Variants in DOCK8 observed in about 807,000 individuals in gnomAD.
The protein encoded by DOCK8 is dedicator of cytokinesis protein 8.
Under a neutral mutation model 245.6 loss-of-function variants are expected in DOCK8, and 141 were observed. That is an observed-to-expected ratio of 0.57 (90% CI 0.50 to 0.66). The LOEUF (loss-of-function observed/expected upper bound fraction) is 0.66, where lower values mean the gene tolerates loss of function less well. Among genes scored for constraint, DOCK8 ranks in the 30% least tolerant of loss-of-function variants. The probability of loss-of-function intolerance (pLI) is 0.00; values close to 1 mark genes in which losing one functional copy is unlikely to be tolerated. For synonymous variants in DOCK8, 1,168 were observed against 970.2 expected (o/e 1.20, Z -3.79); for missense variants, 2,965 against 2,603.4 (o/e 1.14, Z -3.02).
At chr9:348,693 T>C (rs1055424186) in intron 14 of DOCK8, among the ~76,000 whole-genome samples, 13 of 152,252 alleles carry the variant, frequency 8.5e-5, no homozygotes, top group African/African-American at 3.1e-4. Flanking sequence ...AAGCCTTTTG[T>C]CTTTGATTTC....
In DOCK8 at chr9:420,537, G is replaced by A. The variant is rs2056233824; in HGVS notation, c.3977G>A (p.Arg1326Lys). The A allele has an allele frequency of 1.2e-6, 2 of 1,614,150 alleles. No homozygotes were observed. The highest frequency in any genetic ancestry group is 1.7e-6 in the Non-Finnish European group (2 of 1,180,032). Residue 1326 changes from arginine to lysine, a missense_variant, in exon 31 of 48, where the codon AGG becomes AAG. This residue lies in a region of DOCK8 where 2,825 missense variants were observed against 2,453.5 expected (regional missense o/e 1.15). Coordinates refer to ENST00000432829, the MANE Select transcript of DOCK8 (RefSeq NM_203447.4). ...GACCTGCCATCAACGCAGCTCAACA[G>A]GATTTTAGATCTACTTTTCATCTGT... is the stretch of plus-strand genomic sequence containing the variant. ...IADLPSTQLN[R>K]ILDLLFICVL...
chr9:356,778 C>T lies in DOCK8; in HGVS notation c.1680-11240C>T, dbSNP rs145541643. The stretch of plus-strand genomic sequence containing the variant: ...GTGAGAGTGAATTATATATAAACCT[C>T]TTAATATATTAAATCTACCAAGCAG... On this transcript the variant is annotated intron_variant, in intron 14 of 47. Coordinates refer to ENST00000432829, the MANE Select transcript of DOCK8 (RefSeq NM_203447.4). Among the ~76,000 whole-genome samples the T allele has an allele frequency of 4.6e-3, 704 of 152,160 alleles. 6 individuals are homozygous for T. The highest frequency in any genetic ancestry group is 0.016 in the African/African-American group (657 of 41,508).
chr9:386,275 T>C (rs111252266), intron 22 of DOCK8, 56 bp from the exon 23 acceptor site: 59 of 1,482,530 alleles, frequency 4.0e-5, no homozygotes, highest in Admixed American at 8.4e-5. Flanking sequence ...TTTCCAGATG[T>C]CTGGCTTACC....
At chr9:233,880 G>T (rs1000866542) in intron 1 of DOCK8, among the ~76,000 whole-genome samples, 21 of 152,106 alleles carry the variant, frequency 1.4e-4, no homozygotes, top group African/African-American at 5.1e-4. Flanking sequence ...TTTAATTGGA[G>T]CATTTAGCCC....
At chr9:353,196 G>C (rs542940795) in intron 14 of DOCK8, among the ~76,000 whole-genome samples, 1 of 152,254 alleles carries the variant, frequency 6.6e-6, no homozygotes, top group South Asian at 2.1e-4. Flanking sequence ...TGAGATCTTT[G>C]AAAGTTCTCC....
chr9:414,472 C>CACAGTCA, intron 28 of DOCK8, among the ~76,000 whole-genome samples: 1 of 152,252 alleles, frequency 6.6e-6, no homozygotes, highest in East Asian at 1.9e-4. Flanking sequence ...GCTTGGTTTT[C>CACAGTCA]CAGGGTTAGA....
intron 9 of DOCK8, among the ~76,000 whole-genome samples, chr9:329,209 C>T (rs2050898068): frequency 6.6e-6 from 1 of 152,046 alleles, no homozygotes; most frequent in Non-Finnish European, 1.5e-5. Context: ...GTATTTGGTT[C>T]CCAAAGTGTT....
At chr9:298,851 T>C (rs1260346828) in intron 4 of DOCK8, among the ~76,000 whole-genome samples, 1 of 151,696 alleles carries the variant, frequency 6.6e-6, no homozygotes, top group Non-Finnish European at 1.5e-5. Context: ...TCGTGTCATG[T>C]CATACTAAAC....
chr9:324,244 C>T (rs914721287), intron 7 of DOCK8, among the ~76,000 whole-genome samples: 47 of 152,316 alleles, frequency 3.1e-4, no homozygotes, highest in African/African-American at 1.1e-3. Context: ...TGTCTGTGCT[C>T]ATATTCTGTC....
intron 26 of DOCK8, among the ~76,000 whole-genome samples, chr9:400,977 T>TCACCACCATCACCTCCACCAC (rs1397127411): frequency 4.6e-5 from 3 of 65,814 alleles, no homozygotes; most frequent in African/African-American, 9.3e-5. Flanking sequence ...TCCTCCACCA[T>TCACCACCATCACCTCCACCAC]CACCACCTCC....
chr9:430,669 C>CA (rs60963121), intron 36 of DOCK8, among the ~76,000 whole-genome samples: 83,835 of 136,980 alleles, frequency 0.61, 25,461 homozygotes, highest in East Asian at 0.97. Flanking sequence ...GACCCTGTCT[C>CA]AAAAAAAAAA....
At chr9:401,167 A>C (rs967502010) in intron 26 of DOCK8, among the ~76,000 whole-genome samples, 2 of 151,268 alleles carry the variant, frequency 1.3e-5, no homozygotes, top group Non-Finnish European at 1.5e-5. Flanking sequence ...AGTTTTTCCA[A>C]TTTTATGGGT....
At chr9:349,487 C>G (rs1441852007) in intron 14 of DOCK8, among the ~76,000 whole-genome samples, 1 of 152,176 alleles carries the variant, frequency 6.6e-6, no homozygotes, top group Non-Finnish European at 1.5e-5. Context: ...GTTTCCATGC[C>G]CAGGCTAATA....
rs1586837314 is a variant in DOCK8 at position 376,152 on chromosome 9, G to A, written c.2110-58G>A. 7.4e-5 allele frequency: 92 copies of A among 1,240,568 alleles called. 2 individuals carry two copies. The South Asian group carries it at 1.0e-3, about 14-fold the overall frequency. The allele number at this position is 1,240,568 out of a possible 1,614,324, so 76.8% of individuals were successfully genotyped here. ...CCAGTCAAGTTGGTCTGCATTGCTT[G>A]TTAGTAATCAGAAAAGGGAATTGGA... is the stretch of plus-strand genomic sequence containing the variant. On this transcript the variant is annotated intron_variant, in intron 18 of 47. Transcript: ENST00000432829.
chr9:458,887 T>G (rs2057722753), intron 46 of DOCK8, among the ~76,000 whole-genome samples: 1 of 152,062 alleles, frequency 6.6e-6, no homozygotes, highest in African/African-American at 2.4e-5. Flanking sequence ...AGACCTTAAC[T>G]CTATAAATGG....
chr9:366,181 A>T (rs942474142), intron 14 of DOCK8: 1 of 154,898 alleles, frequency 6.5e-6, no homozygotes, highest in Non-Finnish European at 1.4e-5. Context: ...CCTGTCATCT[A>T]CTCTTCTGGG....
upstream of DOCK8, among the ~76,000 whole-genome samples, chr9:212,224 A>G (rs917543874): frequency 5.9e-5 from 9 of 152,210 alleles, no homozygotes; most frequent in African/African-American, 1.9e-4. Flanking sequence ...TGTTTGTTCA[A>G]TAAAATAGGT....
intron 28 of DOCK8, among the ~76,000 whole-genome samples, chr9:409,163 C>G (rs1181689824): frequency 6.6e-6 from 1 of 152,044 alleles, no homozygotes; most frequent in Admixed American, 6.5e-5. Context: ...ACCTGTACAT[C>G]CATGGGGCAA....
intron 36 of DOCK8, among the ~76,000 whole-genome samples, 179 bp from the exon 37 acceptor site, chr9:431,987 A>T (rs1339091529): frequency 2.0e-5 from 3 of 152,192 alleles, no homozygotes; most frequent in African/African-American, 7.2e-5. Context: ...AACCATTTAA[A>T]CAACAATATG....
Sources: gnomAD v4.1 joint callset for allele counts (sites outside exome capture counted in the v4.1 genomes callset) on GRCh38, gnomAD v4.1.1 for gene constraint, gnomAD v4.1.1 regional missense constraint, MANE v1.5 for transcripts, NCBI Gene and HGNC (gene_info 2026-07-23, HGNC 2026-07-21) for gene names.